FAM186A: variants seen among roughly 807,000 people sequenced by gnomAD.
FAM186A encodes the protein family with sequence similarity 186 member A, also known as protein FAM186A.
In FAM186A, 163 loss-of-function variants were observed where a neutral mutation model predicts 216.8. The observed-to-expected ratio is 0.75, with a 90% confidence interval of 0.66 to 0.86. The LOEUF (loss-of-function observed/expected upper bound fraction) is 0.86, where lower values mean the gene tolerates loss of function less well. Among genes scored for constraint, FAM186A ranks in the 40% least tolerant of loss-of-function variants. FAM186A has a pLI of 0.00. For synonymous variants in FAM186A, 805 were observed against 1,025.3 expected (o/e 0.79, Z 4.10); for missense variants, 2,184 against 2,746.2 (o/e 0.80, Z 4.58).
intron 1 of FAM186A, among the ~76,000 whole-genome samples, chr12:50,377,311 T>C (rs1324336543): frequency 6.6e-6 from 1 of 151,966 alleles, no homozygotes; most frequent in Non-Finnish European, 1.5e-5. Context: ...GAAAGGACAG[T>C]CTTTTTAACA....
intron 1 of FAM186A, among the ~76,000 whole-genome samples, chr12:50,376,923 AT>A (rs1943203614): frequency 6.6e-6 from 1 of 151,148 alleles, no homozygotes; most frequent in Non-Finnish European, 1.5e-5. Flanking sequence ...TTTTATTTTT[AT>A]TTTTTTTAGA....
Position 50,355,511 on chromosome 12 carries a change from A to T in FAM186A, c.1321T>A (p.Leu441Met). ...TCCTGATAGAAATCACCTTTCTTCA[A>T]TGATACGTTATCTTTAGTGCTGTCT... ...SEDSTKDNVS[L>M]KKGDFYQEDE... is the part of the protein sequence containing the mutation. Residue 441 changes from leucine (L) to methionine (M), a missense_variant, in exon 4 of 8, where the codon TTG becomes ATG. Coordinates refer to ENST00000327337, the MANE Select transcript of FAM186A (RefSeq NM_001145475.3). 1.3e-6 allele frequency: 2 copies of T among 1,551,000 alleles called. No homozygotes were observed. The highest frequency in any genetic ancestry group is 1.7e-6 in the Non-Finnish European group (2 of 1,146,860).
At chr12:50,381,400 C>A (rs993151094) in intron 1 of FAM186A, among the ~76,000 whole-genome samples, 2 of 152,072 alleles carry the variant, frequency 1.3e-5, no homozygotes, top group Non-Finnish European at 2.9e-5. Context: ...TCAGAGGAGA[C>A]CCTCAGTGGG....
chr12:50,380,902 G>GT (rs1813173947), intron 1 of FAM186A, among the ~76,000 whole-genome samples: 1 of 152,210 alleles, frequency 6.6e-6, no homozygotes, highest in South Asian at 2.1e-4. Flanking sequence ...CGAGGGGTAT[G>GT]TGAGCAAGTG....
intron 1 of FAM186A, among the ~76,000 whole-genome samples, chr12:50,374,693 T>C (rs1263383418): frequency 6.6e-6 from 1 of 152,198 alleles, no homozygotes; most frequent in Non-Finnish European, 1.5e-5. Flanking sequence ...ACAGCTAGCA[T>C]CATACTTAAT....
chr12:50,356,565 C>G (rs1942979521), intron 3 of FAM186A, among the ~76,000 whole-genome samples: 2 of 152,166 alleles, frequency 1.3e-5, no homozygotes, highest in Admixed American at 6.5e-5. Context: ...CTCAGCCTCC[C>G]TGCCTGAGTT....
rs1408238905 is a variant in FAM186A at position 50,354,609 on chromosome 12, C to CT, written c.2222dup (p.Glu742GlyfsTer29). On this transcript the variant is annotated frameshift_variant, in exon 4 of 8. Coordinates refer to ENST00000327337, the MANE Select transcript of FAM186A (RefSeq NM_001145475.3). LOFTEE classifies it high-confidence loss of function. ...TAGGTTTCTCTCCAACTTGTTCTTC[C>CT]TTTTTTGTATCTTTGTATTTTCTCA... 6.5e-7 allele frequency: 1 copy of CT among 1,547,868 alleles called. No individual in the cohort carries two copies. The highest frequency in any genetic ancestry group is 8.7e-7 in the Non-Finnish European group (1 of 1,146,178).
chr12:50,341,201 A>G (rs1236225323), intron 4 of FAM186A, among the ~76,000 whole-genome samples: 1 of 152,206 alleles, frequency 6.6e-6, no homozygotes, highest in African/African-American at 2.4e-5. Context: ...TTAAATGTAG[A>G]ATTCTTCACT....
Position 50,358,815 on chromosome 12 carries a change from C to T in FAM186A, c.583+1941G>A, listed in dbSNP as rs531231395. Among the ~76,000 whole-genome samples, 6 of 149,174 alleles carry T rather than the reference C, an allele frequency of 4.0e-5. No individual in the cohort carries two copies. The South Asian group carries it at 1.1e-3, about 27-fold the overall frequency. On this transcript the variant is annotated intron_variant, in intron 3 of 7. Transcript: ENST00000327337. The stretch of plus-strand genomic sequence containing the variant: ...GCATGCGCCTGTAATCCCAGCTACT[C>T]GGGAGGCTGAGGCAGGAGAATCGCT...
chr12:50,393,456 T>A (rs1943383075), intron 1 of FAM186A, among the ~76,000 whole-genome samples: 1 of 151,204 alleles, frequency 6.6e-6, no homozygotes, highest in Non-Finnish European at 1.5e-5. Flanking sequence ...GCAGGAGAAT[T>A]GCTTGAGCCT....
chr12:50,396,153 A>G, intron 1 of FAM186A, 140 bp downstream of exon 1: 1 of 692,234 alleles, frequency 1.4e-6, no homozygotes. Context: ...GTGTCAGGTG[A>G]AATTGTCATT....
intron 3 of FAM186A, among the ~76,000 whole-genome samples, chr12:50,357,082 A>C (rs1453698044): frequency 6.6e-6 from 1 of 152,176 alleles, no homozygotes; most frequent in Non-Finnish European, 1.5e-5. Flanking sequence ...ATTCAAGACA[A>C]AACTTTTCTC....
At chr12:50,346,338 T>A (rs1942817444) in intron 4 of FAM186A, among the ~76,000 whole-genome samples, 2 of 151,818 alleles carry the variant, frequency 1.3e-5, no homozygotes, top group Non-Finnish European at 2.9e-5. Context: ...TTCAAGCAAT[T>A]CTCCTGCCTC....
rs1565897748 is a variant in FAM186A at position 50,388,359 on chromosome 12, CTGTAATCGCACACT to C, written c.192+7920_192+7933del. Among the ~76,000 whole-genome samples the C allele has an allele frequency of 2.6e-5, 4 of 152,326 alleles. No individual in the cohort carries two copies. In the East Asian group the frequency reaches 5.8e-4, roughly 22 times the overall value. ...GCCAGGCGGGCGCAGTGGCTCACAC[CTGTAATCGCACACT>C]TTGGGAGGCAGAGGCGGGAGGATCC... is the stretch of plus-strand genomic sequence containing the variant. On this transcript the variant is annotated intron_variant, in intron 1 of 7. Coordinates refer to ENST00000327337, the MANE Select transcript of FAM186A (RefSeq NM_001145475.3).
At chr12:50,347,678 CAA>C (rs71083539) in intron 4 of FAM186A, among the ~76,000 whole-genome samples, 92 of 145,244 alleles carry the variant, frequency 6.3e-4, no homozygotes, top group Middle Eastern at 3.6e-3. Flanking sequence ...GACTCCATCT[CAA>C]AAAAAAAAAA....
At chr12:50,383,278 AAGAG>A (rs750922300) in intron 1 of FAM186A, among the ~76,000 whole-genome samples, 17 of 49,244 alleles carry the variant, frequency 3.5e-4, no homozygotes, top group Admixed American at 8.4e-4. Context: ...AAAAAAAAAA[AAGAG>A]AGAGAGAGAG....
chr12:50,348,499 A>G (rs1942843495), intron 4 of FAM186A, among the ~76,000 whole-genome samples: 1 of 152,092 alleles, frequency 6.6e-6, no homozygotes, highest in African/African-American at 2.4e-5. Context: ...CTGGGGTTAC[A>G]GGCATGAGCC....
At chr12:50,330,504 C>A in intron 7 of FAM186A, 69 bp downstream of exon 7, 9 of 1,490,034 alleles carry the variant, frequency 6.0e-6, no homozygotes, top group Non-Finnish European at 8.1e-6. Flanking sequence ...AGGAGAAAGT[C>A]AAGTTAGGGA....
chr12:50,373,061 AAGAAAGAAAGAAAG>A (rs1319771556), intron 1 of FAM186A, among the ~76,000 whole-genome samples: 72 of 144,576 alleles, frequency 5.0e-4, no homozygotes, highest in Middle Eastern at 3.6e-3. Flanking sequence ...GAAAGAAAGA[AAGAAAGAAAGAAAG>A]AGAAAAGAAA....
Sources: gnomAD v4.1 joint callset for allele counts (sites outside exome capture counted in the v4.1 genomes callset) on GRCh38, gnomAD v4.1.1 for gene constraint, MANE v1.5 for transcripts, NCBI Gene and HGNC (gene_info 2026-07-23, HGNC 2026-07-21) for gene names.